The following HPSE2 variants were observed in gnomAD, a reference collection of about 807,000 sequenced individuals.
HPSE2 encodes the protein inactive heparanase-2.
A neutral mutation model predicts 60.5 loss-of-function variants in HPSE2; 38 were observed. The observed-to-expected ratio is 0.63, with a 90% CI of 0.48 to 0.82. The LOEUF (loss-of-function observed/expected upper bound fraction) is 0.82. Ranked by LOEUF, HPSE2 falls within the 40% of genes least tolerant of loss-of-function variation. HPSE2 has a pLI of 0.00. For synonymous variants in HPSE2, 295 were observed against 293.2 expected (o/e 1.01, Z -0.06); for missense variants, 713 against 740.4 (o/e 0.96, Z 0.43).
intron 3 of HPSE2, among the ~76,000 whole-genome samples, chr10:99,029,409 C>A (rs1163514268): frequency 6.6e-6 from 1 of 152,132 alleles, no homozygotes; most frequent in Non-Finnish European, 1.5e-5. Context: ...GCCAGCTGGG[C>A]CCGGGGGACC....
At chr10:99,132,205 G>C (rs1328266438) in intron 3 of HPSE2, among the ~76,000 whole-genome samples, 3 of 19,348 alleles carry the variant, frequency 1.6e-4, no homozygotes, top group African/African-American at 2.5e-4. Flanking sequence ...GAGAGAGAGA[G>C]AGAGAGAGAG....
chr10:99,162,167 A>G (rs1846871326), intron 2 of HPSE2, among the ~76,000 whole-genome samples: 1 of 152,244 alleles, frequency 6.6e-6, no homozygotes, highest in Non-Finnish European at 1.5e-5. Flanking sequence ...CTCAAATGGT[A>G]AATTCTGTTA....
At chr10:99,261,094 T>G in the HPSE2 span, among the ~76,000 whole-genome samples, 6 of 152,176 alleles carry the variant, frequency 3.9e-5, no homozygotes, top group African/African-American at 1.4e-4. Context: ...TGTCCAGGCA[T>G]TCTTTTACAC....
intron 3 of HPSE2, among the ~76,000 whole-genome samples, chr10:99,021,202 G>A (rs1396641822): frequency 6.6e-6 from 1 of 152,130 alleles, no homozygotes; most frequent in Non-Finnish European, 1.5e-5. Flanking sequence ...TAAATGGTGT[G>A]GACAATGGCA....
At chr10:98,881,405 G>A (rs529958728) in intron 3 of HPSE2, among the ~76,000 whole-genome samples, 2 of 152,102 alleles carry the variant, frequency 1.3e-5, no homozygotes, top group East Asian at 3.9e-4. Context: ...AATAAAGTCA[G>A]GATCCAAAAC....
At chr10:99,051,309 G>GC (rs1220120062) in intron 3 of HPSE2, among the ~76,000 whole-genome samples, 1 of 152,088 alleles carries the variant, frequency 6.6e-6, no homozygotes, top group Non-Finnish European at 1.5e-5. Context: ...AACAGAACCT[G>GC]CAATATTTCC....
intron 10 of HPSE2, among the ~76,000 whole-genome samples, chr10:98,485,031 C>T (rs1941389130): frequency 1.3e-5 from 2 of 152,210 alleles, no homozygotes; most frequent in African/African-American, 2.4e-5. Flanking sequence ...ATAGAAATAA[C>T]ACCCCTCCAT....
At chr10:99,206,162 G>A (rs760093615) in intron 2 of HPSE2, among the ~76,000 whole-genome samples, 2 of 152,190 alleles carry the variant, frequency 1.3e-5, no homozygotes, top group Non-Finnish European at 2.9e-5. Flanking sequence ...AAACAGAATA[G>A]GAAATCTGTG....
chr10:98,637,285 G>A (rs1216105097), intron 7 of HPSE2, among the ~76,000 whole-genome samples: 1 of 151,986 alleles, frequency 6.6e-6, no homozygotes, highest in Non-Finnish European at 1.5e-5. Flanking sequence ...TGTCTTTCAG[G>A]TGCCAAAAAT....
intron 3 of HPSE2, among the ~76,000 whole-genome samples, chr10:98,802,790 T>C (rs1299347075): frequency 7.1e-6 from 1 of 140,896 alleles, no homozygotes; most frequent in Non-Finnish European, 1.5e-5. Flanking sequence ...TACGTGTGCA[T>C]GTGTCTTTAT....
At chr10:99,049,079 A>G (rs571109960) in intron 3 of HPSE2, among the ~76,000 whole-genome samples, 1 of 152,174 alleles carries the variant, frequency 6.6e-6, no homozygotes, top group African/African-American at 2.4e-5. Flanking sequence ...AGACTACTAG[A>G]GGAGGGAAGA....
chr10:98,734,235 A>G (rs1949295005), intron 4 of HPSE2, among the ~76,000 whole-genome samples: 1 of 152,144 alleles, frequency 6.6e-6, no homozygotes, highest in Non-Finnish European at 1.5e-5. Flanking sequence ...GTCACGTTTC[A>G]TTTATCAAGT....
Position 98,482,632 on chromosome 10 carries a change from G to C in HPSE2, c.1613+4C>G. On this transcript the variant is annotated splice_donor_region_variant and intron_variant, in intron 11 of 11. Transcript: ENST00000370552. ...TCCCGAGCTATTTTCAGGTTGGCACGTACTTGGACTTTAGGCCCTCCTGCC... is the reference window on the plus strand; with the variant it reads ...TCCCGAGCTATTTTCAGGTTGGCACCTACTTGGACTTTAGGCCCTCCTGCC... 1.2e-6 allele frequency: 2 copies of C among 1,614,080 alleles called. No homozygotes were observed. The highest frequency in any genetic ancestry group is 3.3e-5 in the Admixed American group (2 of 60,014).
chr10:98,798,708 C>A (rs905504030), intron 3 of HPSE2, among the ~76,000 whole-genome samples: 1 of 151,894 alleles, frequency 6.6e-6, no homozygotes, highest in Non-Finnish European at 1.5e-5. Flanking sequence ...CTCATTGTAA[C>A]CTCAAATCAA....
At chr10:98,551,661 G>A (rs1943867782) in intron 9 of HPSE2, among the ~76,000 whole-genome samples, 1 of 152,180 alleles carries the variant, frequency 6.6e-6, no homozygotes, top group African/African-American at 2.4e-5. Context: ...GATCCCCAGA[G>A]TTATCCAATT....
intron 3 of HPSE2, among the ~76,000 whole-genome samples, chr10:99,132,215 G>GAA (rs1845453018): frequency 4.8e-5 from 1 of 20,884 alleles, no homozygotes; most frequent in African/African-American, 7.3e-5. Flanking sequence ...GAGAGAGAGA[G>GAA]AGAGAGAGAG....
At chr10:98,497,432 A>G (rs753622210) in intron 9 of HPSE2, among the ~76,000 whole-genome samples, 16 of 152,164 alleles carry the variant, frequency 1.1e-4, no homozygotes, top group Non-Finnish European at 1.5e-4. Flanking sequence ...GATAAACAAT[A>G]TATATAATTC....
chr10:98,830,767 A>T (rs1038136582), intron 3 of HPSE2, among the ~76,000 whole-genome samples: 1 of 152,212 alleles, frequency 6.6e-6, no homozygotes, highest in East Asian at 1.9e-4. Context: ...TTGGTCAAAA[A>T]CAAAGGCACC....
At chr10:99,145,165 A>G (rs1846003465) in intron 2 of HPSE2, among the ~76,000 whole-genome samples, 1 of 152,184 alleles carries the variant, frequency 6.6e-6, no homozygotes, top group African/African-American at 2.4e-5. Context: ...AAATTCATAC[A>G]GAATGCTTCA....
Sources: allele counts gnomAD v4.1 joint callset (sites outside exome capture counted in the v4.1 genomes callset), GRCh38; gene constraint gnomAD v4.1.1; transcripts MANE v1.5; gene names NCBI Gene and HGNC (gene_info 2026-07-23, HGNC 2026-07-21).